Variants in KANK1 observed in about 807,000 individuals in gnomAD.
KANK1 encodes the protein KN motif and ankyrin repeat domains 1, also known as KN motif and ankyrin repeat domain-containing protein 1.
Under a neutral mutation model 106.2 loss-of-function variants are expected in KANK1, and 109 were observed. The ratio of observed to expected loss-of-function variants is 1.03; its 90% CI spans 0.88 to 1.20. KANK1 has a LOEUF of 1.20. Ranked by LOEUF, KANK1 falls within the 50% of genes most tolerant of loss-of-function variation. The probability of loss-of-function intolerance (pLI) is 0.00; values close to 1 mark genes in which losing one functional copy is unlikely to be tolerated. For missense variants in KANK1, 2,399 were observed against 1,710.7 expected (o/e 1.40, Z -7.10); for synonymous variants, 873 against 652.2 (o/e 1.34, Z -5.16).
At chr9:532,924 C>G (rs920806354) in intron 1 of KANK1, among the ~76,000 whole-genome samples, 1 of 152,090 alleles carries the variant, frequency 6.6e-6, no homozygotes, top group African/African-American at 2.4e-5. Flanking sequence ...CAGGAGGGAA[C>G]AGGGAGGTGG....
chr9:580,882 G>A (rs938733360), intron 1 of KANK1, among the ~76,000 whole-genome samples: 17 of 152,064 alleles, frequency 1.1e-4, no homozygotes, highest in African/African-American at 2.2e-4. Flanking sequence ...GGGAGGCTCC[G>A]GCATGGTGGG....
intron 1 of KANK1, among the ~76,000 whole-genome samples, chr9:621,862 G>A (rs939697448): frequency 1.3e-5 from 2 of 151,766 alleles, no homozygotes; most frequent in Admixed American, 6.5e-5. Context: ...GCCGGTGGAA[G>A]GGGTACAGTC....
At chr9:516,913 C>T (rs569204342) in intron 1 of KANK1, among the ~76,000 whole-genome samples, 8 of 151,100 alleles carry the variant, frequency 5.3e-5, no homozygotes, top group Admixed American at 3.9e-4. Flanking sequence ...ACTTGGGTTA[C>T]GAAGAAATTT....
intron 1 of KANK1, among the ~76,000 whole-genome samples, chr9:583,676 A>G (rs950783711): frequency 6.7e-6 from 1 of 150,212 alleles, no homozygotes; most frequent in African/African-American, 2.4e-5. Context: ...ATATGGATTA[A>G]TATTAATATA....
upstream of KANK1, among the ~76,000 whole-genome samples, chr9:504,498 A>G (rs888861072): frequency 6.6e-6 from 1 of 150,950 alleles, no homozygotes; most frequent in Admixed American, 6.6e-5. Context: ...CGGAGGGAGC[A>G]GCCGGGGCTT....
At chr9:733,318 C>A (rs1359456003) in intron 6 of KANK1, 1 of 152,188 alleles carries the variant, frequency 6.6e-6, no homozygotes, top group Non-Finnish European at 1.5e-5. Flanking sequence ...AGAAAACTTA[C>A]CTCTATTTAA....
chr9:739,278 G>A (rs1405648158), intron 8 of KANK1, among the ~76,000 whole-genome samples: 1 of 152,186 alleles, frequency 6.6e-6, no homozygotes, highest in Non-Finnish European at 1.5e-5. Flanking sequence ...TTTCTAGTAT[G>A]TGACAGAGAA....
chr9:630,225 G>C (rs1005481938), intron 1 of KANK1, among the ~76,000 whole-genome samples: 6 of 150,938 alleles, frequency 4.0e-5, no homozygotes, highest in African/African-American at 1.5e-4. Flanking sequence ...TCCAGCCTGG[G>C]CAACAGAGCG....
chr9:732,110 A>G (rs1832456579), intron 5 of KANK1: 1 of 306,094 alleles, frequency 3.3e-6, no homozygotes, highest in South Asian at 5.9e-5. Flanking sequence ...TTTTCTCATG[A>G]TTTATGCTAA....
chr9:492,408 C>G (rs79545216), intron 3 of KANK1, among the ~76,000 whole-genome samples: 3,573 of 152,232 alleles, frequency 0.023, 57 homozygotes, highest in Middle Eastern at 0.041. Flanking sequence ...TGCTGATTTA[C>G]TTACTAGATG....
chr9:729,763 A>G (rs1042103681), intron 3 of KANK1, among the ~76,000 whole-genome samples: 1 of 150,988 alleles, frequency 6.6e-6, no homozygotes, highest in African/African-American at 2.5e-5. Context: ...TGGAAGTAGT[A>G]ATGGAAGAGG....
chr9:738,338 G>C lies in KANK1; in HGVS notation c.3387G>C (p.Lys1129Asn), dbSNP rs1011149857. 1.9e-6 allele frequency: 3 copies of C among 1,614,030 alleles called. No individual in the cohort carries two copies. The highest frequency in any genetic ancestry group is 2.5e-6 in the Non-Finnish European group (3 of 1,180,032). The change falls in exon 8 of 12, where the codon AAG becomes AAC. Residue 1129 changes from lysine (K) to asparagine (N), a missense_variant. Lys to Asn is a moderately conservative substitution (Grantham distance 94). Coordinates refer to ENST00000382297, the MANE Select transcript of KANK1 (RefSeq NM_015158.5). ...AGTGGTTCCGCGTGTCCAGTCAGAA[G>C]TCAGCCATTCCAGCCATGGTGGGGG... The part of the protein sequence containing the change: ...QHEWFRVSSQ[K>N]SAIPAMVGDY...
chr9:721,198 T>C (rs1829226486), intron 3 of KANK1, among the ~76,000 whole-genome samples: 1 of 152,168 alleles, frequency 6.6e-6, no homozygotes, highest in African/African-American at 2.4e-5. Context: ...CCCTCATACC[T>C]TGTCCTTTAC....
chr9:718,500 A>G (rs928852631), intron 3 of KANK1, among the ~76,000 whole-genome samples: 2 of 151,800 alleles, frequency 1.3e-5, no homozygotes, highest in African/African-American at 4.8e-5. Context: ...TTTAGAGACA[A>G]GGTCTCCCCA....
chr9:593,903 C>G (rs959469573), intron 1 of KANK1, among the ~76,000 whole-genome samples: 1 of 151,898 alleles, frequency 6.6e-6, no homozygotes, highest in Non-Finnish European at 1.5e-5. Context: ...AACCTTGTCT[C>G]TTATTTCTGC....
At chr9:543,731 C>T (rs1362977947) in intron 1 of KANK1, among the ~76,000 whole-genome samples, 1 of 152,098 alleles carries the variant, frequency 6.6e-6, no homozygotes, top group African/African-American at 2.4e-5. Flanking sequence ...CAGCAGTTTA[C>T]AAAGTTTCCA....
chr9:524,226 G>A (rs2059678823), intron 1 of KANK1, among the ~76,000 whole-genome samples: 1 of 151,714 alleles, frequency 6.6e-6, no homozygotes, highest in Non-Finnish European at 1.5e-5. Flanking sequence ...CAACTTGCTG[G>A]TGAAGTAATA....
At chr9:693,634 C>G in intron 2 of KANK1, 1 of 985,398 alleles carries the variant, frequency 1.0e-6, no homozygotes, top group South Asian at 4.7e-5. Context: ...GTTAGTTCGT[C>G]AGGAAATTCC....
At chr9:685,189 G>A (rs907955074) in intron 2 of KANK1, among the ~76,000 whole-genome samples, 4 of 152,184 alleles carry the variant, frequency 2.6e-5, no homozygotes, top group Admixed American at 6.5e-5. Context: ...TTATGAATCC[G>A]GAAAACACAG....
Sources: allele counts gnomAD v4.1 joint callset (sites outside exome capture counted in the v4.1 genomes callset), GRCh38; gene constraint gnomAD v4.1.1; transcripts MANE v1.5; gene names NCBI Gene and HGNC (gene_info 2026-07-23, HGNC 2026-07-21).